PDSS1: variants seen among roughly 807,000 people sequenced by gnomAD.
PDSS1 encodes all trans-polyprenyl-diphosphate synthase PDSS1.
In PDSS1, 43 loss-of-function variants were observed where a neutral mutation model predicts 57.5. The observed-to-expected ratio is 0.75, with a 90% CI of 0.59 to 0.96. PDSS1 has a LOEUF of 0.96. PDSS1 is among the 50% of genes least tolerant of loss of function. The probability of loss-of-function intolerance (pLI) is 0.00; values close to 1 mark genes in which losing one functional copy is unlikely to be tolerated. For missense variants in PDSS1, 438 were observed against 527.8 expected (o/e 0.83, Z 1.67); for synonymous variants, 175 against 191.3 (o/e 0.91, Z 0.70).
intron 1 of PDSS1, among the ~76,000 whole-genome samples, chr10:26,700,883 C>G (rs1041041542): frequency 2.0e-5 from 3 of 152,068 alleles, no homozygotes; most frequent in Non-Finnish European, 2.9e-5. Flanking sequence ...GTGGAAATTA[C>G]TTTGGAACTG....
intron 8 of PDSS1, among the ~76,000 whole-genome samples, chr10:26,724,792 G>GGTCTC (rs1297248012): frequency 2.6e-5 from 4 of 152,076 alleles, no homozygotes; most frequent in African/African-American, 9.7e-5. Context: ...TGGCCGGGCT[G>GGTCTC]GTCTCAAACT....
intron 10 of PDSS1, among the ~76,000 whole-genome samples, chr10:26,741,978 C>G (rs1196178921): frequency 6.6e-6 from 1 of 152,208 alleles, no homozygotes; most frequent in African/African-American, 2.4e-5. Flanking sequence ...CAGGTTCAAG[C>G]AATTCTCTTG....
At chr10:26,721,812 G>A (rs911047364) in intron 6 of PDSS1, among the ~76,000 whole-genome samples, 2 of 152,144 alleles carry the variant, frequency 1.3e-5, no homozygotes, top group Non-Finnish European at 2.9e-5. Context: ...TCTGCCACTG[G>A]GGACCTCTTT....
At chr10:26,736,238 A>C (rs887080382) in intron 10 of PDSS1, among the ~76,000 whole-genome samples, 1 of 152,258 alleles carries the variant, frequency 6.6e-6, no homozygotes, top group Non-Finnish European at 1.5e-5. Flanking sequence ...ACATTCTCAC[A>C]GCCTCCTCCA....
At chr10:26,717,153 C>G (rs924579684) in intron 5 of PDSS1, among the ~76,000 whole-genome samples, 14 of 152,192 alleles carry the variant, frequency 9.2e-5, no homozygotes, top group Non-Finnish European at 1.9e-4. Flanking sequence ...AGCTGTGTTA[C>G]AGTACCAAAT....
At chr10:26,700,164 A>ATT (rs35440404) in intron 1 of PDSS1, among the ~76,000 whole-genome samples, 17 of 148,582 alleles carry the variant, frequency 1.1e-4, no homozygotes, top group East Asian at 2.0e-4. Context: ...TATATCTTTG[A>ATT]TTTTTTTTTT....
At position 26,712,617 on chromosome 10, in the gene PDSS1, T is replaced by C. The variant is rs557448254; in HGVS notation, c.467+2849T>C. Among the ~76,000 whole-genome samples, 3 of 99,522 alleles carry C rather than the reference T, an allele frequency of 3.0e-5. 1 individual carries two copies. The highest frequency in any genetic ancestry group is 7.0e-5 in the Non-Finnish European group (3 of 42,732). 65.3% of individuals were successfully genotyped at this position (99,522 alleles called of 152,430 possible). On this transcript the variant is annotated intron_variant, in intron 5 of 11. Coordinates refer to ENST00000376215, the MANE Select transcript of PDSS1 (RefSeq NM_014317.5). ...AATACTTGCTTTCTGTGGACTCTTC[T>C]GGATCGGGCACTTAAAGGACTAAAT...
intron 5 of PDSS1, among the ~76,000 whole-genome samples, chr10:26,719,498 G>A (rs948037418): frequency 9.8e-5 from 15 of 152,286 alleles, no homozygotes; most frequent in South Asian, 2.1e-4. Flanking sequence ...CGCGGGGTGC[G>A]GTGGCTTACG....
At chr10:26,726,502 G>A (rs1835951369) in intron 8 of PDSS1, among the ~76,000 whole-genome samples, 1 of 152,168 alleles carries the variant, frequency 6.6e-6, no homozygotes, top group Non-Finnish European at 1.5e-5. Context: ...AAAATGCAAA[G>A]CCATGCGAGC....
At chr10:26,726,305 GC>G (rs148388661) in intron 8 of PDSS1, among the ~76,000 whole-genome samples, 55 of 152,308 alleles carry the variant, frequency 3.6e-4, no homozygotes, top group African/African-American at 1.3e-3. Context: ...GGGCATGCTG[GC>G]ATCGTCCCAG....
intron 5 of PDSS1, among the ~76,000 whole-genome samples, chr10:26,716,628 T>G (rs1025950913): frequency 6.6e-6 from 1 of 151,958 alleles, no homozygotes; most frequent in Non-Finnish European, 1.5e-5. Context: ...GAGGCGAAGG[T>G]TGCAGTGAGT....
At chr10:26,713,245 T>G (rs1176774376) in intron 5 of PDSS1, among the ~76,000 whole-genome samples, 1 of 148,332 alleles carries the variant, frequency 6.7e-6, no homozygotes, top group Non-Finnish European at 1.5e-5. Flanking sequence ...TGAGCCGAGA[T>G]CACGCCATTG....
chr10:26,745,385 A>T (rs1836810029), intron 11 of PDSS1, among the ~76,000 whole-genome samples: 1 of 152,204 alleles, frequency 6.6e-6, no homozygotes, highest in Non-Finnish European at 1.5e-5. Context: ...GTTAAAGGAA[A>T]GGACAAGAGC....
intron 6 of PDSS1, among the ~76,000 whole-genome samples, chr10:26,722,230 T>C (rs1484126838): frequency 6.6e-6 from 1 of 152,220 alleles, no homozygotes. Context: ...AAAATGACTT[T>C]ATAGGCATAT....
chr10:26,698,121 C>G (rs978944178), intron 1 of PDSS1, among the ~76,000 whole-genome samples: 54 of 152,080 alleles, frequency 3.6e-4, no homozygotes, highest in African/African-American at 1.3e-3. Context: ...CGGTGGGATC[C>G]GTGTCCTGGG....
chr10:26,729,303 T>G (rs1836082933), intron 8 of PDSS1, among the ~76,000 whole-genome samples: 1 of 152,200 alleles, frequency 6.6e-6, no homozygotes, highest in African/African-American at 2.4e-5. Context: ...ATTTGAGTAC[T>G]GGGTGTCATC....
intron 8 of PDSS1, among the ~76,000 whole-genome samples, chr10:26,733,659 A>C (rs1230547748): frequency 1.4e-4 from 22 of 152,086 alleles, no homozygotes; most frequent in Non-Finnish European, 4.4e-5. Context: ...CCAGTGGATG[A>C]GGTGGAGGAG....
chr10:26,704,977 A>G (rs1835162157), intron 3 of PDSS1, among the ~76,000 whole-genome samples: 1 of 152,138 alleles, frequency 6.6e-6, no homozygotes. Flanking sequence ...TCTAAATTGT[A>G]GATCTCTGCC....
intron 8 of PDSS1, among the ~76,000 whole-genome samples, chr10:26,727,514 G>C (rs1354477570): frequency 3.8e-5 from 5 of 132,342 alleles, no homozygotes; most frequent in Non-Finnish European, 6.4e-5. Context: ...TCATTTTTTT[G>C]AGATGGAGTC....
Sources: gnomAD v4.1 joint callset for allele counts (sites outside exome capture counted in the v4.1 genomes callset) on GRCh38, gnomAD v4.1.1 for gene constraint, MANE v1.5 for transcripts, NCBI Gene and HGNC (gene_info 2026-07-23, HGNC 2026-07-21) for gene names.